Variants in ATP8B4 observed in about 807,000 individuals in gnomAD.
The protein encoded by ATP8B4 is probable phospholipid-transporting ATPase IM.
Under a neutral mutation model 145.6 loss-of-function variants are expected in ATP8B4, and 133 were observed. That is an observed-to-expected ratio of 0.91 (90% CI 0.79 to 1.05). The LOEUF is 1.05. Ranked by LOEUF, ATP8B4 falls within the 50% of genes least tolerant of loss-of-function variation. The pLI is 0.00. For synonymous variants in ATP8B4, 507 were observed against 492.9 expected, an observed-to-expected ratio of 1.03 and a Z score of -0.38; for missense variants, 1,458 against 1,425.2, an observed-to-expected ratio of 1.02 and a Z score of -0.37.
At chr15:50,053,716 G>A (rs143546503) in intron 3 of ATP8B4, among the ~76,000 whole-genome samples, 1 of 151,922 alleles carries the variant, frequency 6.6e-6, no homozygotes, top group Non-Finnish European at 1.5e-5. Flanking sequence ...ACTACTTGGT[G>A]GGGGGGTGGG....
At chr15:50,073,365 T>C (rs1263197157) in intron 3 of ATP8B4, among the ~76,000 whole-genome samples, 2 of 152,104 alleles carry the variant, frequency 1.3e-5, no homozygotes, top group African/African-American at 4.8e-5. Context: ...GTTAGTTTGC[T>C]GAGAATGATG....
rs1198981898 is a variant in ATP8B4, at chr15:49,862,240, C to T, written c.3297+5G>A. The T allele has an allele frequency of 6.2e-7, 1 of 1,612,810 alleles. No homozygotes were observed. Among genetic ancestry groups the T allele is most frequent in the Non-Finnish European group, 8.5e-7 (1 of 1,179,138 alleles). On this transcript the variant is annotated splice_donor_5th_base_variant and intron_variant, in intron 27 of 27. Transcript: ENST00000284509. Reference sequence around the variant, plus strand: ...CTTCAAGTATTCATCAGCACTGTGACATACCTGATCACTCAGGGTTGGGTA... The same window carrying T: ...CTTCAAGTATTCATCAGCACTGTGATATACCTGATCACTCAGGGTTGGGTA...
At chr15:50,179,662 A>G (rs2044815776) in intron 1 of ATP8B4, among the ~76,000 whole-genome samples, 1 of 152,202 alleles carries the variant, frequency 6.6e-6, no homozygotes, top group Admixed American at 6.5e-5. Context: ...CAGAGCCCTC[A>G]TGAATGGGAT....
intron 2 of ATP8B4, among the ~76,000 whole-genome samples, chr15:50,076,269 G>A (rs1422382816): frequency 6.6e-6 from 1 of 152,040 alleles, no homozygotes; most frequent in East Asian, 1.9e-4. Context: ...TGAAGCAGGC[G>A]GATCACAAGG....
At chr15:50,155,457 G>GA (rs1210023704) in intron 1 of ATP8B4, among the ~76,000 whole-genome samples, 2 of 151,946 alleles carry the variant, frequency 1.3e-5, no homozygotes, top group Non-Finnish European at 2.9e-5. Context: ...ATAAACCCAG[G>GA]AAAAATGTGT....
At chr15:50,156,496 AC>A (rs894398214) in intron 1 of ATP8B4, among the ~76,000 whole-genome samples, 14 of 151,836 alleles carry the variant, frequency 9.2e-5, no homozygotes, top group African/African-American at 3.4e-4. Flanking sequence ...TTTAATACTC[AC>A]CCCCTCTCTT....
chr15:50,077,038 C>T (rs564894873), intron 2 of ATP8B4, among the ~76,000 whole-genome samples: 1 of 152,276 alleles, frequency 6.6e-6, no homozygotes, highest in African/African-American at 2.4e-5. Context: ...GGTTCAATGA[C>T]CTAATGCCTG....
chr15:49,914,368 T>A (rs546366693), intron 20 of ATP8B4, among the ~76,000 whole-genome samples: 2 of 152,160 alleles, frequency 1.3e-5, no homozygotes, highest in East Asian at 3.9e-4. Flanking sequence ...CAAAATGATA[T>A]AACTACTAGA....
chr15:49,926,101 C>A (rs1237413573), intron 16 of ATP8B4, among the ~76,000 whole-genome samples: 3 of 152,080 alleles, frequency 2.0e-5, no homozygotes, highest in African/African-American at 7.2e-5. Context: ...TCTATGGCTT[C>A]AGGTTCCAAC....
intron 17 of ATP8B4, among the ~76,000 whole-genome samples, chr15:49,921,161 C>T (rs1415995679): frequency 6.6e-6 from 1 of 152,098 alleles, no homozygotes; most frequent in Non-Finnish European, 1.5e-5. Context: ...AATGTGGAGG[C>T]TGACCTTCAC....
intron 14 of ATP8B4, among the ~76,000 whole-genome samples, chr15:49,942,306 TAATAAAG>T (rs2042223528): frequency 1.3e-5 from 2 of 151,958 alleles, no homozygotes; most frequent in Admixed American, 1.3e-4. Context: ...CATTCACTAG[TAATAAAG>T]CAGAAGAAAA....
At chr15:49,958,920 T>C (rs2043823274) in intron 14 of ATP8B4, among the ~76,000 whole-genome samples, 1 of 151,958 alleles carries the variant, frequency 6.6e-6, no homozygotes, top group African/African-American at 2.4e-5. Context: ...TTTGATTTTA[T>C]ATAAACTGTC....
At chr15:50,162,795 C>T (rs1469158248) in intron 1 of ATP8B4, among the ~76,000 whole-genome samples, 2 of 152,180 alleles carry the variant, frequency 1.3e-5, no homozygotes, top group Non-Finnish European at 2.9e-5. Flanking sequence ...CGTGAGCCAC[C>T]GCGCCCGGCC....
rs780135907 is a variant in ATP8B4 at position 49,876,520 on chromosome 15, C to T, written c.2785G>A (p.Val929Met). 29 of 1,613,824 alleles carry T rather than the reference C, an allele frequency of 1.8e-5. No homozygotes were observed. Among genetic ancestry groups the T allele is most frequent in the South Asian group, 6.6e-5 (6 of 91,084 alleles). ...VLAMGIFDQD[V>M]SDQNSVDCPQ... ...CAGTCCACGCTGTTCTGGTCACTCA[C>T]ATCCTGTAAACAGAGTGTAATTTCA... The change falls in exon 25 of 28, where the codon GTG becomes ATG. Residue 929 changes from valine to methionine, a missense_variant. Physicochemically the swap from Val to Met is conservative, Grantham distance 21. Transcript: ENST00000284509.
At chr15:50,150,930 C>T (rs2044339131) in intron 1 of ATP8B4, among the ~76,000 whole-genome samples, 1 of 152,198 alleles carries the variant, frequency 6.6e-6, no homozygotes, top group Non-Finnish European at 1.5e-5. Flanking sequence ...GGGTAAGAGT[C>T]TCATTATGAT....
intron 6 of ATP8B4, among the ~76,000 whole-genome samples, chr15:50,020,083 T>G (rs2049418449): frequency 6.6e-6 from 1 of 151,854 alleles, no homozygotes. Context: ...GCCTCCTGAG[T>G]AGCTGCAACT....
At chr15:50,006,029 GCATT>G (rs1013702039) in intron 7 of ATP8B4, among the ~76,000 whole-genome samples, 30 of 152,082 alleles carry the variant, frequency 2.0e-4, no homozygotes, top group African/African-American at 7.0e-4. Context: ...AATACCTCAT[GCATT>G]GAGTCAAAAA....
chr15:50,100,593 G>C (rs2056292361), intron 2 of ATP8B4, among the ~76,000 whole-genome samples: 2 of 152,204 alleles, frequency 1.3e-5, no homozygotes, highest in African/African-American at 4.8e-5. Flanking sequence ...AAGCTCTCCA[G>C]ACTATTGCCA....
rs191272183 is a variant in ATP8B4, at chr15:50,016,042, G to A, written c.363-5125C>T. Among the ~76,000 whole-genome samples the A allele has an allele frequency of 1.3e-3, 202 of 152,258 alleles. No homozygotes were observed. In the Middle Eastern group the frequency reaches 0.027, roughly 21 times the overall value. ...AGAAAAAGTAATCAATCTTACAGAT[G>A]CCCTGCCTAATTTATATAAATCCTA... On this transcript the variant is annotated intron_variant, in intron 6 of 27. Transcript: ENST00000284509.
Sources: allele counts gnomAD v4.1 joint callset (sites outside exome capture counted in the v4.1 genomes callset), GRCh38; gene constraint gnomAD v4.1.1; transcripts MANE v1.5; gene names NCBI Gene and HGNC (gene_info 2026-07-23, HGNC 2026-07-21).